Variants in RAB23 observed in about 807,000 individuals in gnomAD.
RAB23 encodes ras-related protein Rab-23.
Under a neutral mutation model 30.0 loss-of-function variants are expected in RAB23, and 15 were observed. The observed-to-expected ratio is 0.50, with a 90% confidence interval of 0.33 to 0.77. The LOEUF (loss-of-function observed/expected upper bound fraction) is 0.77. Ranked by LOEUF, RAB23 falls within the 30% of genes least tolerant of loss-of-function variation. RAB23 has a pLI of 0.02. For missense variants in RAB23, 243 were observed against 275.4 expected (o/e 0.88, Z 0.83); for synonymous variants, 93 against 94.0 (o/e 0.99, Z 0.06).
At chr6:57,194,965 G>A in intron 4 of RAB23, 113 bp from the exon 5 acceptor site, 1 of 756,656 alleles carries the variant, frequency 1.3e-6, no homozygotes, top group Non-Finnish European at 2.3e-6. Flanking sequence ...AGGGAGGGAA[G>A]GTGGATCAGA....
At chr6:57,219,660 C>A (rs1005471064) in intron 1 of RAB23, among the ~76,000 whole-genome samples, 1 of 152,118 alleles carries the variant, frequency 6.6e-6, no homozygotes, top group Non-Finnish European at 1.5e-5. Flanking sequence ...TAGACCCTCA[C>A]AAATAAAGAC....
intron 3 of RAB23, among the ~76,000 whole-genome samples, chr6:57,198,407 G>T (rs564319895): frequency 9.8e-4 from 149 of 152,228 alleles, no homozygotes; most frequent in Non-Finnish European, 1.7e-3. Context: ...CCAGCTACTT[G>T]GGAGGCTGAG....
rs908169983 is a variant in RAB23, at chr6:57,188,216, A to G, written c.*2245T>C. 1 of 152,192 alleles carries G rather than the reference A, an allele frequency of 6.6e-6. No homozygotes were observed. The highest frequency in any genetic ancestry group is 1.5e-5 in the Non-Finnish European group (1 of 68,014). 9.4% of individuals were successfully genotyped at this position (152,192 alleles called of 1,614,324 possible). A position where few individuals can be genotyped will look rare whatever the true frequency, so the allele number is the denominator to read the frequency against. Reference sequence around the variant, plus strand: ...AAAAATGTCAATTTTTGAAGGCTTTAAGAATTGATTAAATTGAGAAATTAA... The same window carrying G: ...AAAAATGTCAATTTTTGAAGGCTTTGAGAATTGATTAAATTGAGAAATTAA... On this transcript the variant is annotated 3_prime_UTR_variant, in exon 7 of 7. Transcript: ENST00000468148.
rs920215332 is a variant in RAB23, at chr6:57,222,206, C to A, written c.-546G>T. On this transcript the variant is annotated 5_prime_UTR_variant, in exon 1 of 7. Coordinates refer to ENST00000468148, the MANE Select transcript of RAB23 (RefSeq NM_016277.5). ...ATTTTTAAACGAACTTTATTAGTAG[C>A]CAGGGCTCAGATTGAGTGGCTCAGC... is the stretch of plus-strand genomic sequence containing the variant. 2.0e-5 allele frequency: 3 copies of A among 152,336 alleles called. No homozygotes were observed. Among genetic ancestry groups the A allele is most frequent in the African/African-American group, 7.2e-5 (3 of 41,472 alleles). 9.4% of individuals were successfully genotyped at this position (152,336 alleles called of 1,614,324 possible).
At chr6:57,219,342 T>C (rs935491217) in intron 1 of RAB23, among the ~76,000 whole-genome samples, 6 of 152,144 alleles carry the variant, frequency 3.9e-5, no homozygotes, top group Non-Finnish European at 8.8e-5. Context: ...CCTAAATAAA[T>C]GGAAAGACAT....
At chr6:57,191,830 C>T (rs1299858673) in intron 6 of RAB23, among the ~76,000 whole-genome samples, 9 of 151,844 alleles carry the variant, frequency 5.9e-5, no homozygotes, top group African/African-American at 1.5e-4. Flanking sequence ...ACAGTAACAA[C>T]AGTATTTCTG....
chr6:57,209,371 T>C (rs1765565512), intron 2 of RAB23, among the ~76,000 whole-genome samples: 1 of 152,218 alleles, frequency 6.6e-6, no homozygotes, highest in African/African-American at 2.4e-5. Context: ...TACTGAAATA[T>C]TTATTTGGTT....
chr6:57,213,652 T>C (rs1267835713), intron 1 of RAB23, among the ~76,000 whole-genome samples: 1 of 152,154 alleles, frequency 6.6e-6, no homozygotes, highest in East Asian at 1.9e-4. Context: ...ACTAAAAATT[T>C]TGGATACTAT....
At chr6:57,218,021 C>T (rs1765913146) in intron 1 of RAB23, among the ~76,000 whole-genome samples, 1 of 152,070 alleles carries the variant, frequency 6.6e-6, no homozygotes, top group Non-Finnish European at 1.5e-5. Context: ...CCATAATTCA[C>T]CCAATATAAT....
intron 6 of RAB23, 73 bp downstream of exon 6, chr6:57,193,769 A>C: frequency 6.5e-7 from 1 of 1,541,188 alleles, no homozygotes; most frequent in East Asian, 2.3e-5. Flanking sequence ...ACATTTCTGA[A>C]AGAAATGAGC....
intron 6 of RAB23, among the ~76,000 whole-genome samples, chr6:57,191,844 TGTG>T (rs145337719): frequency 3.4e-4 from 51 of 149,810 alleles, no homozygotes; most frequent in African/African-American, 1.2e-3. Context: ...ATTTCTGAGT[TGTG>T]TGTGTGTGTG....
In RAB23 at chr6:57,210,729, A is replaced by G. The variant is rs1765623590; in HGVS notation, c.-65-284T>C. 3.9e-5 allele frequency among the ~76,000 whole-genome samples: 6 copies of G among 152,302 alleles called. 1 individual carries two copies. The South Asian group carries it at 1.2e-3, about 32-fold the overall frequency. ...CTAGGATCATTAGATTTGATGCCTGATTATTTAAAGGTGCCACTTACTAGT... is the reference window on the plus strand; with the variant it reads ...CTAGGATCATTAGATTTGATGCCTGGTTATTTAAAGGTGCCACTTACTAGT... On this transcript the variant is annotated intron_variant, in intron 1 of 6. Coordinates refer to ENST00000468148, the MANE Select transcript of RAB23 (RefSeq NM_016277.5).
intron 1 of RAB23, among the ~76,000 whole-genome samples, chr6:57,217,353 C>T (rs747851595): frequency 6.6e-6 from 1 of 152,116 alleles, no homozygotes; most frequent in East Asian, 1.9e-4. Flanking sequence ...ACTCAGTAGT[C>T]CAGGCTGGAG....
intron 2 of RAB23, 133 bp from the exon 3 acceptor site, chr6:57,207,846 C>T (rs2128002988): frequency 4.7e-6 from 3 of 643,184 alleles, no homozygotes; most frequent in South Asian, 3.9e-5. Context: ...ATGGGTTGTC[C>T]CAATAAACCT....
At chr6:57,205,163 C>T (rs1181581374) in intron 3 of RAB23, among the ~76,000 whole-genome samples, 1 of 150,758 alleles carries the variant, frequency 6.6e-6, no homozygotes, top group Non-Finnish European at 1.5e-5. Flanking sequence ...CACATATATA[C>T]ACACTATATT....
chr6:57,198,559 T>C (rs1353066334), intron 3 of RAB23, among the ~76,000 whole-genome samples: 1 of 151,962 alleles, frequency 6.6e-6, no homozygotes, highest in Non-Finnish European at 1.5e-5. Context: ...CACACACCTG[T>C]AGTCCCAGCT....
intron 1 of RAB23, chr6:57,221,227 G>C (rs141466641): frequency 3.9e-4 from 59 of 152,318 alleles, no homozygotes; most frequent in African/African-American, 1.3e-3. Flanking sequence ...AAATTACCTA[G>C]ATGTTAGGAG....
intron 6 of RAB23, among the ~76,000 whole-genome samples, chr6:57,192,658 C>G (rs1764882628): frequency 6.6e-6 from 1 of 152,094 alleles, no homozygotes; most frequent in Non-Finnish European, 1.5e-5. Flanking sequence ...GAAGCCGAGA[C>G]AGGAGGATCA....
chr6:57,212,001 C>T (rs1335187095), intron 1 of RAB23, among the ~76,000 whole-genome samples: 2 of 152,218 alleles, frequency 1.3e-5, no homozygotes, highest in Non-Finnish European at 2.9e-5. Context: ...TCATAAGAAT[C>T]ACCTAAAAGT....
Sources: allele counts gnomAD v4.1 joint callset (sites outside exome capture counted in the v4.1 genomes callset), GRCh38; gene constraint gnomAD v4.1.1; transcripts MANE v1.5; gene names NCBI Gene and HGNC (gene_info 2026-07-23, HGNC 2026-07-21).